Variants in GPHN observed in about 807,000 individuals in gnomAD.
GPHN encodes gephyrin.
A neutral mutation model predicts 95.5 loss-of-function variants in GPHN; 17 were observed. That is an observed-to-expected ratio of 0.18 (90% CI 0.12 to 0.27). GPHN has a LOEUF of 0.27. Among genes scored for constraint, GPHN ranks in the 10% least tolerant of loss-of-function variants. GPHN has a pLI of 1.00. For synonymous variants in GPHN, 320 were observed against 322.5 expected (o/e 0.99, Z 0.08); for missense variants, 660 against 978.1 (o/e 0.67, Z 4.34).
chr14:67,567,240 G>C, the GPHN span, among the ~76,000 whole-genome samples: 11 of 152,194 alleles, frequency 7.2e-5, no homozygotes, highest in African/African-American at 2.7e-4. Context: ...CATCTGGGGA[G>C]GGCGGTGGGG....
At chr14:67,410,384 C>T in the GPHN span, among the ~76,000 whole-genome samples, 1 of 152,180 alleles carries the variant, frequency 6.6e-6, no homozygotes, top group Non-Finnish European at 1.5e-5. Flanking sequence ...GTGCCCAGCT[C>T]TCACTCTCCC....
intron 3 of GPHN, among the ~76,000 whole-genome samples, chr14:66,788,849 G>T (rs1463519691): frequency 6.6e-6 from 1 of 151,934 alleles, no homozygotes; most frequent in Non-Finnish European, 1.5e-5. Flanking sequence ...GTAGAGATGG[G>T]GTTTCACCAT....
chr14:66,560,453 C>T (rs1291338281), intron 1 of GPHN, among the ~76,000 whole-genome samples: 3 of 152,172 alleles, frequency 2.0e-5, no homozygotes, highest in African/African-American at 7.2e-5. Context: ...AGAGGTCCTT[C>T]ACGTCCCTTG....
At chr14:67,247,479 C>T in the GPHN span, among the ~76,000 whole-genome samples, 1 of 151,976 alleles carries the variant, frequency 6.6e-6, no homozygotes, top group Admixed American at 6.6e-5. Flanking sequence ...TCCTTCTAGT[C>T]TGTATGCCTT....
At chr14:67,220,444 G>GA in the GPHN span, among the ~76,000 whole-genome samples, 160 of 137,394 alleles carry the variant, frequency 1.2e-3, no homozygotes, top group Admixed American at 1.2e-3. Flanking sequence ...CTTTTCTCAG[G>GA]AAAAAAAAAA....
intron 12 of GPHN, among the ~76,000 whole-genome samples, chr14:67,099,735 A>G (rs1004132920): frequency 6.6e-6 from 1 of 152,186 alleles, no homozygotes; most frequent in Non-Finnish European, 1.5e-5. Context: ...ATAAGCCTTT[A>G]GAAAAAAATA....
At chr14:67,656,640 T>C in the GPHN span, 9 of 1,545,100 alleles carry the variant, frequency 5.8e-6, 1 homozygote, top group Middle Eastern at 3.5e-4. Context: ...TATAAATTCA[T>C]TGCCAGCATA....
intron 17 of GPHN, among the ~76,000 whole-genome samples, chr14:67,131,707 G>A (rs1443377206): frequency 6.6e-6 from 1 of 152,130 alleles, no homozygotes; most frequent in Non-Finnish European, 1.5e-5. Context: ...AAATTGAGGA[G>A]CAGCTCTCTC....
At chr14:66,546,122 C>T (rs2059584584) in intron 1 of GPHN, among the ~76,000 whole-genome samples, 1 of 151,438 alleles carries the variant, frequency 6.6e-6, no homozygotes. Context: ...CTCCCCACAT[C>T]TCAGACGATG....
intron 1 of GPHN, among the ~76,000 whole-genome samples, chr14:66,650,718 T>A (rs191180988): frequency 6.6e-6 from 1 of 152,338 alleles, no homozygotes; most frequent in Admixed American, 6.5e-5. Flanking sequence ...TGTGCTTTTG[T>A]TGCCAACCAG....
At chr14:67,197,345 G>A in the GPHN span, 2 of 152,140 alleles carry the variant, frequency 1.3e-5, no homozygotes, top group African/African-American at 4.8e-5. Context: ...ACTGTGGCTC[G>A]GCCTGAGTTG....
At chr14:66,620,327 C>T (rs1356157721) in intron 1 of GPHN, among the ~76,000 whole-genome samples, 1 of 152,126 alleles carries the variant, frequency 6.6e-6, no homozygotes, top group Non-Finnish European at 1.5e-5. Context: ...CTGATAAAGA[C>T]ATACCTGAGA....
At chr14:67,221,294 C>T in the GPHN span, among the ~76,000 whole-genome samples, 2 of 152,224 alleles carry the variant, frequency 1.3e-5, no homozygotes, top group Non-Finnish European at 2.9e-5. Context: ...AAGCCAAAGA[C>T]TTGGTGGTAA....
At chr14:66,727,406 G>C (rs200341710) in intron 2 of GPHN, among the ~76,000 whole-genome samples, 1 of 152,206 alleles carries the variant, frequency 6.6e-6, no homozygotes, top group Non-Finnish European at 1.5e-5. Flanking sequence ...CTGGGTAACA[G>C]GCAGAGGTTG....
the GPHN span, among the ~76,000 whole-genome samples, chr14:67,612,221 T>C: frequency 6.6e-6 from 1 of 152,194 alleles, no homozygotes; most frequent in African/African-American, 2.4e-5. Flanking sequence ...TACCAGTGAA[T>C]GGCCCAGGGG....
intron 1 of GPHN, among the ~76,000 whole-genome samples, chr14:66,678,769 G>T (rs1469228514): frequency 1.3e-5 from 2 of 152,080 alleles, no homozygotes; most frequent in African/African-American, 2.4e-5. Flanking sequence ...TGTCATTTGG[G>T]TAGAGTGTTT....
intron 2 of GPHN, chr14:66,760,930 G>A (rs1386449470): frequency 1.1e-5 from 10 of 936,844 alleles, no homozygotes; most frequent in African/African-American, 1.6e-5. Flanking sequence ...CATCTTATCC[G>A]AGCCTCTTTT....
chr14:67,375,246 G>C, the GPHN span, among the ~76,000 whole-genome samples: 3 of 141,956 alleles, frequency 2.1e-5, no homozygotes, highest in Non-Finnish European at 4.6e-5. Context: ...GTGTGTGTGT[G>C]TGTGTGTGTG....
intron 3 of GPHN, among the ~76,000 whole-genome samples, chr14:66,793,476 C>A (rs1432601686): frequency 1.3e-5 from 2 of 152,080 alleles, no homozygotes; most frequent in Non-Finnish European, 2.9e-5. Context: ...TAAATATATT[C>A]TTGTCCTTTC....
Sources: allele counts gnomAD v4.1 joint callset (sites outside exome capture counted in the v4.1 genomes callset), GRCh38; gene constraint gnomAD v4.1.1; transcripts MANE v1.5; gene names NCBI Gene and HGNC (gene_info 2026-07-23, HGNC 2026-07-21).